Variants in SYN3 observed in about 807,000 individuals in gnomAD.
SYN3 encodes the protein synapsin III, also known as synapsin-3.
A neutral mutation model predicts 65.8 loss-of-function variants in SYN3; 35 were observed. That is an observed-to-expected ratio of 0.53 (90% CI 0.41 to 0.70). The LOEUF (loss-of-function observed/expected upper bound fraction) is 0.70, where lower values mean the gene tolerates loss of function less well. SYN3 is among the 30% of genes least tolerant of loss of function. The pLI, the probability that SYN3 is intolerant of heterozygous loss-of-function variation, is 0.00. For missense variants in SYN3, 680 were observed against 749.0 expected, an observed-to-expected ratio of 0.91 and a Z score of 1.08; for synonymous variants, 270 against 292.9, an observed-to-expected ratio of 0.92 and a Z score of 0.80.
intron 6 of SYN3, among the ~76,000 whole-genome samples, chr22:32,817,767 A>G (rs2146037021): frequency 6.6e-6 from 1 of 152,326 alleles, no homozygotes; most frequent in East Asian, 1.9e-4. Flanking sequence ...TGATTGAAGG[A>G]CATTGTGGTG....
At chr22:32,688,383 T>C (rs2060620090) in intron 6 of SYN3, among the ~76,000 whole-genome samples, 3 of 152,198 alleles carry the variant, frequency 2.0e-5, no homozygotes, top group Admixed American at 2.0e-4. Flanking sequence ...TCAACATATA[T>C]ATTTTTCAGT....
At chr22:32,923,355 C>T (rs73405266) in intron 4 of SYN3, among the ~76,000 whole-genome samples, 2,919 of 152,284 alleles carry the variant, frequency 0.019, 110 homozygotes, top group African/African-American at 0.067. Context: ...GAGGGAAGAT[C>T]TTCCTTGATG....
At chr22:32,961,657 C>T (rs2051656461) in intron 3 of SYN3, among the ~76,000 whole-genome samples, 1 of 152,246 alleles carries the variant, frequency 6.6e-6, no homozygotes. Context: ...TTGCTGCCAG[C>T]TCTGGCTGCT....
At chr22:32,867,207 T>C (rs2048710340) in intron 5 of SYN3, among the ~76,000 whole-genome samples, 4 of 152,180 alleles carry the variant, frequency 2.6e-5, no homozygotes, top group Admixed American at 2.6e-4. Context: ...CATAGAGCAC[T>C]TTCTACATAC....
intron 6 of SYN3, among the ~76,000 whole-genome samples, chr22:32,724,698 C>T (rs1359374268): frequency 2.0e-5 from 3 of 152,220 alleles, no homozygotes; most frequent in Admixed American, 1.3e-4. Context: ...AGTCAAGTGT[C>T]GGGGACAGAG....
At chr22:32,940,194 G>A (rs748758877) in intron 3 of SYN3, among the ~76,000 whole-genome samples, 17 of 152,008 alleles carry the variant, frequency 1.1e-4, no homozygotes, top group Non-Finnish European at 2.4e-4. Flanking sequence ...GTTCACATTT[G>A]TATTCTTGTT....
intron 6 of SYN3, among the ~76,000 whole-genome samples, chr22:32,665,247 C>T (rs2060274524): frequency 6.6e-6 from 1 of 152,078 alleles, no homozygotes; most frequent in South Asian, 2.1e-4. Context: ...ATCCACCCAC[C>T]TTGGCCTCCC....
intron 6 of SYN3, among the ~76,000 whole-genome samples, chr22:32,750,836 C>CA (rs570706217): frequency 7.1e-4 from 108 of 152,130 alleles, no homozygotes; most frequent in African/African-American, 2.4e-3. Context: ...GTCTAAGGCA[C>CA]AGTTGCCTAA....
chr22:33,049,718 C>A (rs536960339), intron 1 of SYN3, among the ~76,000 whole-genome samples: 2 of 152,324 alleles, frequency 1.3e-5, no homozygotes, highest in Admixed American at 1.3e-4. Flanking sequence ...ACTACTCTTA[C>A]AGTGGCACAG....
chr22:32,908,961 T>C (rs537831817), intron 4 of SYN3, among the ~76,000 whole-genome samples: 1 of 152,310 alleles, frequency 6.6e-6, no homozygotes, highest in East Asian at 1.9e-4. Flanking sequence ...AGAGAAAGAC[T>C]GGACATTCCC....
chr22:32,698,588 T>C (rs2060769378), intron 6 of SYN3, among the ~76,000 whole-genome samples: 1 of 152,226 alleles, frequency 6.6e-6, no homozygotes, highest in South Asian at 2.1e-4. Context: ...GTTTTATAAA[T>C]AATAACTCTT....
At position 32,663,307 on chromosome 22, in the gene SYN3, C is replaced by CT. The variant is rs1555918916; in HGVS notation, c.712-66572dup. ...ACTTGTTTTTCTTTTCTTTTCTTCT[C>CT]TTTTTTTTTTTTTTTGAGTCTCACT... On this transcript the variant is annotated intron_variant, in intron 6 of 13. Transcript: ENST00000358763. Among the ~76,000 whole-genome samples, 1,007 of 142,536 alleles carry CT rather than the reference C, an allele frequency of 7.1e-3. 16 individuals are homozygous for CT. Among genetic ancestry groups the CT allele is most frequent in the African/African-American group, 0.018 (718 of 39,018 alleles). 93.5% of individuals were successfully genotyped at this position (142,536 alleles called of 152,430 possible). A position where few individuals can be genotyped will look rare whatever the true frequency, so the allele number is the denominator to read the frequency against.
intron 2 of SYN3, among the ~76,000 whole-genome samples, chr22:32,983,778 G>C (rs932246948): frequency 6.6e-6 from 1 of 152,146 alleles, no homozygotes; most frequent in Non-Finnish European, 1.5e-5. Flanking sequence ...TATTTGAAGT[G>C]CCTGGGGCAA....
At chr22:32,998,776 T>A (rs1200667111) in intron 2 of SYN3, among the ~76,000 whole-genome samples, 95 of 81,972 alleles carry the variant, frequency 1.2e-3, no homozygotes, top group South Asian at 1.8e-3. Context: ...ATAGAAATAG[T>A]AAAAAAAAAA....
At chr22:32,677,614 C>T (rs62234574) in intron 6 of SYN3, among the ~76,000 whole-genome samples, 21 of 152,062 alleles carry the variant, frequency 1.4e-4, no homozygotes, top group Admixed American at 5.2e-4. Context: ...CTGGCTAACA[C>T]GGTGAAACTC....
chr22:32,823,240 G>C (rs190772142), intron 6 of SYN3, among the ~76,000 whole-genome samples: 1 of 152,302 alleles, frequency 6.6e-6, no homozygotes, highest in East Asian at 1.9e-4. Context: ...GGTGGGACTT[G>C]TAAGTCCCGT....
chr22:32,595,586 AT>A (rs2059187415), intron 7 of SYN3, among the ~76,000 whole-genome samples: 1 of 152,020 alleles, frequency 6.6e-6, no homozygotes, highest in Non-Finnish European at 1.5e-5. Context: ...TGTGTTTGCC[AT>A]TTTCTAGGTG....
rs182924937 is a variant in SYN3 at position 32,823,167 on chromosome 22, T to C, written c.711+41748A>G. Among the ~76,000 whole-genome samples, 459 of 152,334 alleles carry C rather than the reference T, an allele frequency of 3.0e-3. 2 individuals carry two copies. The highest frequency in any genetic ancestry group is 0.01 in the African/African-American group (432 of 41,572). Reference sequence around the variant, plus strand: ...CTCAAGTGACCCTTGCTTTTGGGTCTAGAGCATCATGTAGGAAGCCAGCAC... The same window carrying C: ...CTCAAGTGACCCTTGCTTTTGGGTCCAGAGCATCATGTAGGAAGCCAGCAC... On this transcript the variant is annotated intron_variant, in intron 6 of 13. Coordinates refer to ENST00000358763, the MANE Select transcript of SYN3 (RefSeq NM_003490.4).
chr22:32,529,306 C>T (rs2058032640), intron 10 of SYN3, among the ~76,000 whole-genome samples: 1 of 152,152 alleles, frequency 6.6e-6, no homozygotes, highest in African/African-American at 2.4e-5. Flanking sequence ...TGGGGAGCCG[C>T]TCTCCGCCCC....
Sources: gnomAD v4.1 joint callset for allele counts (sites outside exome capture counted in the v4.1 genomes callset) on GRCh38, gnomAD v4.1.1 for gene constraint, MANE v1.5 for transcripts, NCBI Gene and HGNC (gene_info 2026-07-23, HGNC 2026-07-21) for gene names.